The following LHPP variants were observed in gnomAD, a reference collection of about 807,000 sequenced individuals.
LHPP encodes the protein hLHPP.
Under a neutral mutation model 30.3 loss-of-function variants are expected in LHPP, and 24 were observed. That is an observed-to-expected ratio of 0.79 (90% CI 0.57 to 1.11). The LOEUF (loss-of-function observed/expected upper bound fraction) is 1.11, where lower values mean the gene tolerates loss of function less well. LHPP is among the 50% of genes most tolerant of loss of function. The pLI, the probability that LHPP is intolerant of heterozygous loss-of-function variation, is 0.00. For missense variants in LHPP, 356 were observed against 367.2 expected (o/e 0.97, Z 0.25); for synonymous variants, 150 against 157.1 (o/e 0.95, Z 0.34).
chr10:124,513,827 A>C lies in LHPP; in HGVS notation c.625-3353A>C, dbSNP rs543238190. On this transcript the variant is annotated intron_variant, in intron 5 of 6. Transcript: ENST00000368842. ...AAGAGCATGAGTCCATTTAAGCAAT[A>C]ACACATGTTAATGTGGCAAAAGGAG... 2.0e-5 allele frequency among the ~76,000 whole-genome samples: 3 copies of C among 151,636 alleles called. No homozygotes were observed. The South Asian group carries it at 6.2e-4, about 32-fold the overall frequency.
chr10:124,474,442 A>G (rs1287583894), intron 1 of LHPP, among the ~76,000 whole-genome samples: 1 of 152,100 alleles, frequency 6.6e-6, no homozygotes. Flanking sequence ...GCCCGGCCAT[A>G]TGAAGTCTTG....
At chr10:124,603,541 C>T (rs1949054764) in intron 6 of LHPP, among the ~76,000 whole-genome samples, 1 of 152,056 alleles carries the variant, frequency 6.6e-6, no homozygotes, top group Non-Finnish European at 1.5e-5. Flanking sequence ...ATGAGGACTC[C>T]TTCAGTCCTG....
intron 6 of LHPP, among the ~76,000 whole-genome samples, chr10:124,588,918 G>C (rs1356119796): frequency 6.6e-6 from 1 of 152,234 alleles, no homozygotes; most frequent in Non-Finnish European, 1.5e-5. Context: ...GCAAAGGTTA[G>C]GGAAAACCAG....
In LHPP at chr10:124,523,828, A is replaced by G. The variant is rs1168338566; in HGVS notation, c.716+6557A>G. On this transcript the variant is annotated intron_variant, in intron 6 of 6. Transcript: ENST00000368842. The surrounding 1 kb of genome is among the most constrained non-coding windows in gnomAD (Gnocchi z 4.2). ...CCTCGGGTACTCATCCTGGCAGTGC[A>G]GGGAAGGGCACCGGGAACAGGCCTG... Among the ~76,000 whole-genome samples, 1 of 152,168 alleles carries G rather than the reference A, an allele frequency of 6.6e-6. No homozygotes were observed.
At chr10:124,564,505 C>A (rs531926907) in intron 6 of LHPP, among the ~76,000 whole-genome samples, 1 of 152,126 alleles carries the variant, frequency 6.6e-6, no homozygotes, top group Non-Finnish European at 1.5e-5. Flanking sequence ...CCTCCCACTT[C>A]AGCCTCTCAA....
chr10:124,562,325 ACAAATAAATAGAAGATACAATGAAGAGC>A (rs1298846528), intron 6 of LHPP, among the ~76,000 whole-genome samples: 1 of 151,552 alleles, frequency 6.6e-6, no homozygotes, highest in Non-Finnish European at 1.5e-5. Flanking sequence ...AAACAAACAA[ACAAATAAATAGAAGATACAATGAAGAGC>A]CAAATGAAAA....
chr10:124,606,346 T>A (rs1314099131), intron 6 of LHPP, among the ~76,000 whole-genome samples: 1 of 152,016 alleles, frequency 6.6e-6, no homozygotes, highest in South Asian at 2.1e-4. Flanking sequence ...TCCGGAAGCG[T>A]CCCTGCCCCG....
chr10:124,607,142 G>A (rs7911414), intron 6 of LHPP, among the ~76,000 whole-genome samples: 140,620 of 152,050 alleles, frequency 0.92, 65,218 homozygotes, highest in East Asian at 1. Context: ...CACCCTCTCC[G>A]CTCTGTACCC....
intron 1 of LHPP, among the ~76,000 whole-genome samples, chr10:124,466,403 G>C (rs1263133462): frequency 2.0e-5 from 3 of 152,182 alleles, no homozygotes; most frequent in Non-Finnish European, 2.9e-5. Flanking sequence ...GCCACTGTGT[G>C]GTTGGAGACA....
At chr10:124,542,199 T>A (rs1241696735) in intron 6 of LHPP, among the ~76,000 whole-genome samples, 3 of 152,302 alleles carry the variant, frequency 2.0e-5, no homozygotes, top group Admixed American at 2.0e-4. Flanking sequence ...GGAACACAGA[T>A]GCCTTCAGTG....
intron 5 of LHPP, among the ~76,000 whole-genome samples, chr10:124,505,530 G>T (rs1225963051): frequency 1.3e-5 from 2 of 152,130 alleles, no homozygotes; most frequent in Non-Finnish European, 2.9e-5. Flanking sequence ...TTCCTCAGTG[G>T]CCTAGAAATC....
chr10:124,474,132 C>CT (rs544464876), intron 1 of LHPP, among the ~76,000 whole-genome samples: 11,476 of 71,978 alleles, frequency 0.16, 1,111 homozygotes, highest in Non-Finnish European at 0.2. Context: ...TTGCTTTGCC[C>CT]TTTTTTTTTT....
intron 1 of LHPP, among the ~76,000 whole-genome samples, chr10:124,474,339 C>T (rs1010108907): frequency 6.6e-5 from 10 of 151,838 alleles, no homozygotes; most frequent in African/African-American, 2.4e-4. Flanking sequence ...AAGGTTTTGC[C>T]ACGTTGCCCA....
chr10:124,510,092 C>T lies in LHPP; in HGVS notation c.625-7088C>T, dbSNP rs546233981. 1.3e-4 allele frequency among the ~76,000 whole-genome samples: 20 copies of T among 152,062 alleles called. No individual in the cohort carries two copies. The highest frequency in any genetic ancestry group is 3.3e-4 in the Admixed American group (5 of 15,272). On this transcript the variant is annotated intron_variant, in intron 5 of 6. Coordinates refer to ENST00000368842, the MANE Select transcript of LHPP (RefSeq NM_022126.4). This position sits in a 1 kb window ranked among gnomAD's most constrained non-coding sequence, Gnocchi z 4.0. ...TCTGGATCCTGGGTTCTGGGGGGTC[C>T]GACCTTTCATTTTTTTCTCCGCCTC... is the stretch of plus-strand genomic sequence containing the variant.
chr10:124,512,162 C>T (rs1373025146), intron 5 of LHPP, among the ~76,000 whole-genome samples: 1 of 152,204 alleles, frequency 6.6e-6, no homozygotes, highest in Non-Finnish European at 1.5e-5. Context: ...CTGATTCACA[C>T]TGTGTGCCCA....
At chr10:124,484,876 G>A (rs1953272496) in intron 2 of LHPP, among the ~76,000 whole-genome samples, 1 of 152,126 alleles carries the variant, frequency 6.6e-6, no homozygotes, top group Admixed American at 6.6e-5. Context: ...AGAACAGACA[G>A]CCCCTTTGAC....
At chr10:124,491,421 G>T (rs11593901) in intron 3 of LHPP, among the ~76,000 whole-genome samples, 26 of 152,180 alleles carry the variant, frequency 1.7e-4, no homozygotes, top group Non-Finnish European at 3.1e-4. Flanking sequence ...ACCCCGTTTT[G>T]TGTAATTCTG....
intron 6 of LHPP, among the ~76,000 whole-genome samples, chr10:124,585,248 A>G (rs535471523): frequency 6.6e-6 from 1 of 152,332 alleles, no homozygotes; most frequent in South Asian, 2.1e-4. Context: ...ACTACTGAGT[A>G]TTTTATTCTT....
chr10:124,520,220 C>T (rs1382138749), intron 6 of LHPP, among the ~76,000 whole-genome samples: 2 of 151,788 alleles, frequency 1.3e-5, no homozygotes, highest in Non-Finnish European at 2.9e-5. Flanking sequence ...GTTTATTGTA[C>T]AGATTATTTC....
Sources: gnomAD v4.1 joint callset for allele counts (sites outside exome capture counted in the v4.1 genomes callset) on GRCh38, gnomAD v4.1.1 for gene constraint, Gnocchi (gnomAD v3.1) non-coding constraint, MANE v1.5 for transcripts, NCBI Gene and HGNC (gene_info 2026-07-23, HGNC 2026-07-21) for gene names.